The following CCDC7 variants were observed in gnomAD, a reference collection of about 807,000 sequenced individuals.
CCDC7 encodes coiled-coil domain containing 7, also known as coiled-coil domain-containing protein 7.
Under a neutral mutation model 196.9 loss-of-function variants are expected in CCDC7, and 183 were observed. That is an observed-to-expected ratio of 0.93 (90% CI 0.82 to 1.05). The LOEUF (loss-of-function observed/expected upper bound fraction) is 1.05. CCDC7 is among the 50% of genes least tolerant of loss of function. CCDC7 has a pLI of 0.00. For synonymous variants in CCDC7, 525 were observed against 484.6 expected (o/e 1.08, Z -1.10); for missense variants, 1,540 against 1,482.2 (o/e 1.04, Z -0.64).
intron 20 of CCDC7, among the ~76,000 whole-genome samples, chr10:32,661,777 A>T (rs1347654940): frequency 6.6e-6 from 1 of 152,090 alleles, no homozygotes; most frequent in African/African-American, 2.4e-5. Context: ...TTTTTTATTC[A>T]TCCCTCTCTT....
At chr10:32,610,265 C>T (rs550968857) in intron 18 of CCDC7, among the ~76,000 whole-genome samples, 15 of 151,978 alleles carry the variant, frequency 9.9e-5, no homozygotes, top group East Asian at 9.7e-4. Flanking sequence ...CCACCACACC[C>T]GGCTAATTTT....
intron 28 of CCDC7, among the ~76,000 whole-genome samples, chr10:32,748,954 C>G (rs890612050): frequency 2.0e-5 from 3 of 152,156 alleles, no homozygotes; most frequent in Admixed American, 1.3e-4. Flanking sequence ...GGTACAGCTC[C>G]TGGAGGCAAA....
At chr10:32,606,396 T>A (rs2061560563) in intron 18 of CCDC7, among the ~76,000 whole-genome samples, 1 of 152,060 alleles carries the variant, frequency 6.6e-6, no homozygotes, top group Admixed American at 6.5e-5. Context: ...TACTGCCTAG[T>A]GGAGTTATGG....
intron 13 of CCDC7, among the ~76,000 whole-genome samples, chr10:32,549,837 C>T (rs1367073075): frequency 6.6e-6 from 1 of 152,088 alleles, no homozygotes; most frequent in Non-Finnish European, 1.5e-5. Flanking sequence ...AGTTTGAAAT[C>T]AGGTAGTGTG....
intron 8 of CCDC7, among the ~76,000 whole-genome samples, chr10:32,489,038 T>G (rs570505584): frequency 4.6e-5 from 7 of 152,162 alleles, no homozygotes; most frequent in Non-Finnish European, 8.8e-5. Flanking sequence ...CCTGACAGAA[T>G]TCTTCTAATC....
chr10:32,593,681 G>A (rs1458923932), intron 18 of CCDC7, among the ~76,000 whole-genome samples: 4 of 152,090 alleles, frequency 2.6e-5, no homozygotes, highest in Non-Finnish European at 5.9e-5. Context: ...TATGGTTTCA[G>A]GTCTAACATT....
intron 39 of CCDC7, among the ~76,000 whole-genome samples, chr10:32,849,701 C>CAAAAAAAAAAAAAAAAAAAGAAAA (rs2093467132): frequency 1.2e-5 from 1 of 80,822 alleles, no homozygotes; most frequent in African/African-American, 5.4e-5. Flanking sequence ...GACTCCGTCT[C>CAAAAAAAAAAAAAAAAAAAGAAAA]AAAAAAAAAA....
At position 32,852,778 on chromosome 10, in the gene CCDC7, A is replaced by T. The variant is rs193086024; in HGVS notation, c.4021+846A>T. 2.7e-4 allele frequency among the ~76,000 whole-genome samples: 41 copies of T among 152,328 alleles called. 1 individual carries two copies. Among genetic ancestry groups the T allele is most frequent in the African/African-American group, 9.1e-4 (38 of 41,594 alleles). On this transcript the variant is annotated intron_variant, in intron 40 of 41. Transcript: ENST00000639629. The stretch of plus-strand genomic sequence containing the variant: ...TACTACATGCAATATAAAAGGAAAA[A>T]GAAAACAGTAAAAAGATATTTGGGC...
intron 21 of CCDC7, among the ~76,000 whole-genome samples, chr10:32,676,409 A>C (rs553985071): frequency 3.3e-5 from 5 of 151,902 alleles, no homozygotes; most frequent in African/African-American, 1.2e-4. Context: ...CAGCAAAAGA[A>C]ACTACCATCA....
At chr10:32,522,621 GT>G (rs1398696746) in intron 11 of CCDC7, among the ~76,000 whole-genome samples, 1 of 151,790 alleles carries the variant, frequency 6.6e-6, no homozygotes, top group East Asian at 1.9e-4. Flanking sequence ...CCAACTTTTT[GT>G]TTCATTGATC....
intron 33 of CCDC7, among the ~76,000 whole-genome samples, chr10:32,836,840 A>G (rs1412707333): frequency 2.6e-5 from 4 of 152,134 alleles, no homozygotes; most frequent in Admixed American, 6.6e-5. Context: ...CAGATATTTA[A>G]CAAATGGTGC....
intron 21 of CCDC7, among the ~76,000 whole-genome samples, chr10:32,684,753 C>T (rs1278263835): frequency 1.3e-5 from 2 of 152,146 alleles, no homozygotes; most frequent in Non-Finnish European, 2.9e-5. Context: ...TTTAGAATTG[C>T]TTAGCACATA....
At chr10:32,519,919 G>A (rs774536473) in intron 11 of CCDC7, among the ~76,000 whole-genome samples, 7 of 151,948 alleles carry the variant, frequency 4.6e-5, no homozygotes, top group Non-Finnish European at 1.0e-4. Flanking sequence ...CTATCTCCAT[G>A]AGTTCAATTG....
At chr10:32,752,963 A>G (rs2075882635) in intron 28 of CCDC7, among the ~76,000 whole-genome samples, 1 of 152,148 alleles carries the variant, frequency 6.6e-6, no homozygotes, top group African/African-American at 2.4e-5. Context: ...TAATTTTGTT[A>G]CAACTTACAA....
rs556166502 is a variant in CCDC7 at position 32,658,908 on chromosome 10, T to C, written c.2015-5146T>C. ...GTTGTAATGTCTCATCTCTCATTTATAATTGTATTTATTTGAATTTTCTTT... is the reference window on the plus strand; with the variant it reads ...GTTGTAATGTCTCATCTCTCATTTACAATTGTATTTATTTGAATTTTCTTT... On this transcript the variant is annotated intron_variant, in intron 20 of 41. Coordinates refer to ENST00000639629, the Ensembl canonical transcript of CCDC7. Among the ~76,000 whole-genome samples the C allele has an allele frequency of 3.9e-5, 6 of 152,332 alleles. No homozygotes were observed. In the South Asian group the frequency reaches 1.2e-3, roughly 32 times the overall value.
At chr10:32,811,781 A>G (rs866614431) in intron 30 of CCDC7, among the ~76,000 whole-genome samples, 1 of 152,098 alleles carries the variant, frequency 6.6e-6, no homozygotes, top group Non-Finnish European at 1.5e-5. Context: ...TAAAAGTACA[A>G]GTCAATATCT....
At chr10:32,842,465 C>T (rs762730516) in intron 33 of CCDC7, among the ~76,000 whole-genome samples, 11 of 151,922 alleles carry the variant, frequency 7.2e-5, no homozygotes, top group Non-Finnish European at 8.8e-5. Context: ...ATGGATGCAG[C>T]GAAAAGGAAA....
chr10:32,708,703 A>G (rs2080253865), intron 24 of CCDC7, among the ~76,000 whole-genome samples: 1 of 152,254 alleles, frequency 6.6e-6, no homozygotes, highest in African/African-American at 2.4e-5. Flanking sequence ...TTATGCAGCC[A>G]AAAAACACAT....
At chr10:32,650,759 ACTCC>A (rs1256774779) in intron 20 of CCDC7, among the ~76,000 whole-genome samples, 1 of 151,492 alleles carries the variant, frequency 6.6e-6, no homozygotes, top group Non-Finnish European at 1.5e-5. Context: ...TCTGCTTGCA[ACTCC>A]CTCCTCCAGG....
Sources: gnomAD v4.1 joint callset for allele counts (sites outside exome capture counted in the v4.1 genomes callset) on GRCh38, gnomAD v4.1.1 for gene constraint, MANE v1.5 for transcripts, NCBI Gene and HGNC (gene_info 2026-07-23, HGNC 2026-07-21) for gene names.